Variants in HS3ST4 observed in about 807,000 individuals in gnomAD.
HS3ST4 encodes the protein heparan sulfate-glucosamine 3-sulfotransferase 4.
A neutral mutation model predicts 29.2 loss-of-function variants in HS3ST4; 17 were observed. The ratio of observed to expected loss-of-function variants is 0.58; its 90% CI spans 0.40 to 0.87. HS3ST4 has a LOEUF of 0.87. Among genes scored for constraint, HS3ST4 ranks in the 40% least tolerant of loss-of-function variants. The pLI is 0.00. For synonymous variants in HS3ST4, 314 were observed against 285.7 expected (o/e 1.10, Z -1.00); for missense variants, 627 against 634.5 (o/e 0.99, Z 0.13).
rs1969565107 is a variant in HS3ST4, at chr16:26,034,533, C to A, written c.735-101079C>A. The stretch of plus-strand genomic sequence containing the variant: ...ACCTCTTGAGAATACCCCAAATTAC[C>A]ATTTTCCCCATTCTACATGGCTTCC... On this transcript the variant is annotated intron_variant, in intron 1 of 1. Coordinates refer to ENST00000331351, the MANE Select transcript of HS3ST4 (RefSeq NM_006040.3). Among the ~76,000 whole-genome samples, 3 of 152,132 alleles carry A rather than the reference C, an allele frequency of 2.0e-5. 1 individual carries two copies. The highest frequency in any genetic ancestry group is 7.2e-5 in the African/African-American group (3 of 41,420).
intron 1 of HS3ST4, among the ~76,000 whole-genome samples, chr16:25,758,023 C>T (rs1415792871): frequency 6.6e-6 from 1 of 152,082 alleles, no homozygotes; most frequent in Admixed American, 6.5e-5. Flanking sequence ...CTCTCCAGAG[C>T]CCCCAGAATA....
At chr16:25,727,366 A>G (rs760251168) in intron 1 of HS3ST4, among the ~76,000 whole-genome samples, 3 of 152,230 alleles carry the variant, frequency 2.0e-5, no homozygotes, top group Non-Finnish European at 4.4e-5. Flanking sequence ...TTGAAGAGAA[A>G]AACAAGATGC....
intron 1 of HS3ST4, among the ~76,000 whole-genome samples, chr16:25,806,299 A>T (rs1481698036): frequency 6.6e-6 from 1 of 152,094 alleles, no homozygotes; most frequent in African/African-American, 2.4e-5. Flanking sequence ...TGGTCAATTC[A>T]TCTGTGTATG....
chr16:26,095,051 A>G (rs1278340108), intron 1 of HS3ST4, among the ~76,000 whole-genome samples: 2 of 152,250 alleles, frequency 1.3e-5, no homozygotes, highest in Non-Finnish European at 2.9e-5. Context: ...GATCAATTCA[A>G]CAAGAAGAGC....
chr16:25,775,988 G>A (rs1966847237), intron 1 of HS3ST4, among the ~76,000 whole-genome samples: 1 of 152,200 alleles, frequency 6.6e-6, no homozygotes, highest in African/African-American at 2.4e-5. Flanking sequence ...TGCACACTTG[G>A]TGAAGCTCAG....
chr16:25,824,841 C>T (rs1010405353), intron 1 of HS3ST4: 1 of 152,198 alleles, frequency 6.6e-6, no homozygotes, highest in Non-Finnish European at 1.5e-5. Flanking sequence ...CAGTTCTGCA[C>T]CTTCTCCTTG....
chr16:26,135,496 T>C, intron 1 of HS3ST4, 116 bp from the exon 2 acceptor site: 3 of 992,920 alleles, frequency 3.0e-6, no homozygotes, highest in Non-Finnish European at 4.3e-6. Flanking sequence ...CAAGAGTTTA[T>C]CAATTTTATT....
At chr16:25,893,963 G>A (rs899111770) in intron 1 of HS3ST4, among the ~76,000 whole-genome samples, 2 of 152,190 alleles carry the variant, frequency 1.3e-5, no homozygotes, top group Non-Finnish European at 2.9e-5. Flanking sequence ...GGGTGGTGAA[G>A]CATTTCTTCC....
intron 1 of HS3ST4, among the ~76,000 whole-genome samples, chr16:25,801,541 T>G (rs1223511167): frequency 6.6e-6 from 1 of 152,186 alleles, no homozygotes; most frequent in Non-Finnish European, 1.5e-5. Flanking sequence ...GTTTGCTGGG[T>G]GTTAAGAGTT....
chr16:26,099,424 GGGTTTACA>G, intron 1 of HS3ST4, among the ~76,000 whole-genome samples: 1 of 152,258 alleles, frequency 6.6e-6, no homozygotes, highest in East Asian at 1.9e-4. Flanking sequence ...AAAAAGTGCT[GGGTTTACA>G]GGCGTGAGCC....
chr16:25,919,389 G>T (rs1017870381), intron 1 of HS3ST4, among the ~76,000 whole-genome samples: 1 of 152,128 alleles, frequency 6.6e-6, no homozygotes, highest in African/African-American at 2.4e-5. Flanking sequence ...GGACATTGGG[G>T]GTGGGGGAAA....
chr16:25,903,301 T>TTATATAC (rs1457768365), intron 1 of HS3ST4, among the ~76,000 whole-genome samples: 1 of 17,332 alleles, frequency 5.8e-5, no homozygotes, highest in Non-Finnish European at 1.3e-4. Context: ...TGTGTGTGTG[T>TTATATAC]GTATGTATAT....
intron 1 of HS3ST4, among the ~76,000 whole-genome samples, chr16:25,881,721 T>C (rs1432333973): frequency 1.3e-5 from 2 of 152,042 alleles, no homozygotes; most frequent in Non-Finnish European, 2.9e-5. Context: ...GCTTCCTAGA[T>C]GGTCATTCTC....
intron 1 of HS3ST4, among the ~76,000 whole-genome samples, chr16:25,809,069 T>A (rs1429430440): frequency 6.6e-6 from 1 of 152,134 alleles, no homozygotes; most frequent in Non-Finnish European, 1.5e-5. Flanking sequence ...TCCTTTCCGA[T>A]ATCTATAGCT....
intron 1 of HS3ST4, among the ~76,000 whole-genome samples, chr16:25,948,296 T>C (rs1012183763): frequency 2.0e-5 from 3 of 152,274 alleles, no homozygotes; most frequent in East Asian, 1.9e-4. Context: ...TGTAGACATG[T>C]TTAAATCAGA....
chr16:25,846,134 CTTGATCGT>C, intron 1 of HS3ST4, among the ~76,000 whole-genome samples: 5 of 152,200 alleles, frequency 3.3e-5, no homozygotes, highest in African/African-American at 1.2e-4. Flanking sequence ...GCTTTTTCCT[CTTGATCGT>C]AAAGTAGCAG....
At chr16:26,095,788 G>A (rs1042040772) in intron 1 of HS3ST4, among the ~76,000 whole-genome samples, 1 of 152,124 alleles carries the variant, frequency 6.6e-6, no homozygotes, top group Non-Finnish European at 1.5e-5. Flanking sequence ...GAAAGAGATA[G>A]ACACACAAAA....
At chr16:25,737,945 C>T (rs1228291841) in intron 1 of HS3ST4, among the ~76,000 whole-genome samples, 1 of 150,338 alleles carries the variant, frequency 6.7e-6, no homozygotes, top group Non-Finnish European at 1.5e-5. Context: ...CACTTTGTTG[C>T]CCAGGCTGGT....
chr16:26,065,646 A>C (rs1898533425), intron 1 of HS3ST4, among the ~76,000 whole-genome samples: 1 of 152,226 alleles, frequency 6.6e-6, no homozygotes, highest in Non-Finnish European at 1.5e-5. Context: ...AAAAAAGATA[A>C]AAATAAAATA....
Sources: allele counts gnomAD v4.1 joint callset (sites outside exome capture counted in the v4.1 genomes callset), GRCh38; gene constraint gnomAD v4.1.1; transcripts MANE v1.5; gene names NCBI Gene and HGNC (gene_info 2026-07-23, HGNC 2026-07-21).